PDS5A: variants seen among roughly 807,000 people sequenced by gnomAD.
The protein encoded by PDS5A is PDS5 cohesin associated factor A, also known as sister chromatid cohesion protein PDS5 homolog A.
PDS5A carries 42 observed loss-of-function variants against 167.1 expected under a neutral mutation model. The ratio of observed to expected loss-of-function variants is 0.25; its 90% CI spans 0.20 to 0.33. The LOEUF is 0.33. PDS5A is among the 10% of genes least tolerant of loss of function. The pLI, the probability that PDS5A is intolerant of heterozygous loss-of-function variation, is 1.00. For synonymous variants in PDS5A, 553 were observed against 554.6 expected (o/e 1.00, Z 0.04); for missense variants, 1,033 against 1,605.9 (o/e 0.64, Z 6.10).
intron 18 of PDS5A, among the ~76,000 whole-genome samples, chr4:39,877,790 A>G (rs1406737654): frequency 6.6e-6 from 1 of 151,908 alleles, no homozygotes; most frequent in Non-Finnish European, 1.5e-5. Context: ...TTTTTTTTGT[A>G]GAGATGAGGT....
At chr4:39,895,884 ATT>A (rs565936850) in intron 16 of PDS5A, among the ~76,000 whole-genome samples, 3 of 143,712 alleles carry the variant, frequency 2.1e-5, no homozygotes. Flanking sequence ...TGCTCAGCTA[ATT>A]TTTTTTTTTT....
chr4:39,934,980 A>C (rs754368193), intron 2 of PDS5A, among the ~76,000 whole-genome samples: 1 of 152,068 alleles, frequency 6.6e-6, no homozygotes, highest in Non-Finnish European at 1.5e-5. Context: ...GCTTGTCTTT[A>C]ACAGCATAGA....
In PDS5A at chr4:39,976,152, C is replaced by G. The variant is rs375051721; in HGVS notation, c.138+288G>C. The G allele has an allele frequency of 2.8e-5, 6 of 215,528 alleles. No individual in the cohort carries two copies. The East Asian group carries it at 5.8e-4, about 21-fold the overall frequency. The allele number at this position is 215,528 out of a possible 1,614,324, so 13.4% of individuals were successfully genotyped here. On this transcript the variant is annotated intron_variant, in intron 2 of 32. Transcript: ENST00000303538. ...CCTACACCTAAGTTTGCAAGCCACT[C>G]TGAACAGTATTCTCATTAAATACCT...
At chr4:39,937,250 G>A (rs1361940097) in intron 2 of PDS5A, among the ~76,000 whole-genome samples, 1 of 152,128 alleles carries the variant, frequency 6.6e-6, no homozygotes, top group African/African-American at 2.4e-5. Context: ...TGCCTCATTA[G>A]CGTAACAAAG....
chr4:39,857,863 T>G (rs928496465), intron 26 of PDS5A, among the ~76,000 whole-genome samples: 1 of 151,756 alleles, frequency 6.6e-6, no homozygotes, highest in Non-Finnish European at 1.5e-5. Flanking sequence ...AGAGACAGAG[T>G]CTCACTATGC....
Position 39,977,083 on chromosome 4 carries a change from T to C in PDS5A, c.-41+374A>G, listed in dbSNP as rs987126019. 2.7e-4 allele frequency among the ~76,000 whole-genome samples: 41 copies of C among 151,898 alleles called. No homozygotes were observed. Among genetic ancestry groups the C allele is most frequent in the African/African-American group, 9.9e-4 (41 of 41,360 alleles). ...CAGCGGACCCACGCGCAGCGGCGGC[T>C]GCCGGGAACAAAACGCCCTTGCCCA... On this transcript the variant is annotated intron_variant, in intron 1 of 32. Transcript: ENST00000303538. The surrounding 1 kb of genome is among the most constrained non-coding windows in gnomAD (Gnocchi z 4.2).
At chr4:39,862,176 C>T (rs1578625349) in intron 26 of PDS5A, 43 bp downstream of exon 26, 5 of 754,316 alleles carry the variant, frequency 6.6e-6, no homozygotes, top group African/African-American at 5.4e-5. Flanking sequence ...TTTTTGAAAA[C>T]TAAACATAAT....
intron 2 of PDS5A, among the ~76,000 whole-genome samples, chr4:39,957,693 G>A (rs1729068291): frequency 1.3e-5 from 2 of 150,460 alleles, no homozygotes; most frequent in Admixed American, 1.3e-4. Context: ...GGCTGAGGCA[G>A]GAGAATGGCA....
intron 2 of PDS5A, among the ~76,000 whole-genome samples, chr4:39,975,295 A>G (rs1730984511): frequency 6.6e-6 from 1 of 152,132 alleles, no homozygotes; most frequent in Non-Finnish European, 1.5e-5. Flanking sequence ...CAAAAAGGCA[A>G]CAAATTGCAG....
intron 31 of PDS5A, among the ~76,000 whole-genome samples, chr4:39,839,130 T>C (rs952528341): frequency 1.3e-5 from 2 of 152,214 alleles, no homozygotes; most frequent in Non-Finnish European, 2.9e-5. Flanking sequence ...TGCTTAATTT[T>C]ACACAAGGAT....
intron 23 of PDS5A, among the ~76,000 whole-genome samples, chr4:39,866,435 A>C (rs1719460610): frequency 6.6e-6 from 1 of 152,112 alleles, no homozygotes; most frequent in African/African-American, 2.4e-5. Flanking sequence ...AATTTTTATT[A>C]CTTTCATGGG....
intron 2 of PDS5A, among the ~76,000 whole-genome samples, chr4:39,942,319 A>G (rs1727298176): frequency 6.6e-6 from 1 of 152,204 alleles, no homozygotes; most frequent in Admixed American, 6.5e-5. Context: ...CAGAAAAAAG[A>G]AAGCTCACAG....
Position 39,879,766 on chromosome 4 carries a change from G to A in PDS5A, c.1954C>T (p.Pro652Ser). ...TADDEEEGVS[P>S]DTAIRSGLEL... ...AGTCCTGAACGGATAGCTGTATCTG[G>A]ACTTACACCCTCCTCTTCATCATCT... The change falls in exon 18 of 33, where the codon CCA becomes TCA. Residue 652 changes from proline to serine, a missense_variant. Physicochemically the swap from Pro to Ser is moderately conservative, Grantham distance 74. Coordinates refer to ENST00000303538, the MANE Select transcript of PDS5A (RefSeq NM_001100399.2). 1 of 1,611,500 alleles carries A rather than the reference G, an allele frequency of 6.2e-7. No homozygotes were observed. The highest frequency in any genetic ancestry group is 2.2e-5 in the East Asian group (1 of 44,788).
In PDS5A at chr4:39,843,847, G is replaced by GA. The variant is rs200332732; in HGVS notation, c.3548+808dup. Among the ~76,000 whole-genome samples, 645 of 151,598 alleles carry GA rather than the reference G, an allele frequency of 4.3e-3. 4 individuals carry two copies. The highest frequency in any genetic ancestry group is 0.015 in the African/African-American group (624 of 41,340). ...GCAGTACATTCTTGATTTCCTCATT[G>GA]AAAATACTAAAATGTGCCCAGGTGC... On this transcript the variant is annotated intron_variant, in intron 30 of 32. Coordinates refer to ENST00000303538, the MANE Select transcript of PDS5A (RefSeq NM_001100399.2).
intron 32 of PDS5A, among the ~76,000 whole-genome samples, chr4:39,834,200 AG>A (rs1279296033): frequency 6.6e-6 from 1 of 150,384 alleles, no homozygotes; most frequent in Non-Finnish European, 1.5e-5. Context: ...AAAAAAAAAA[AG>A]GGTACTAAGA....
intron 26 of PDS5A, among the ~76,000 whole-genome samples, chr4:39,854,166 C>A (rs569123122): frequency 6.6e-6 from 1 of 151,994 alleles, no homozygotes; most frequent in East Asian, 1.9e-4. Flanking sequence ...AGCTGGGCAT[C>A]GTGGTGCATG....
chr4:39,965,222 C>A (rs1211801166), intron 2 of PDS5A, among the ~76,000 whole-genome samples: 1 of 152,178 alleles, frequency 6.6e-6, no homozygotes, highest in Admixed American at 6.6e-5. Context: ...CTTAGCCCAA[C>A]TACTCTGCTA....
At position 39,877,088 on chromosome 4, in the gene PDS5A, G is replaced by A; in HGVS notation, c.2058C>T (p.Cys686=). Residue 686 remains cysteine, a synonymous_variant, in exon 19 of 33, where the codon TGC becomes TGT. Transcript: ENST00000303538. ...CTACCTTGTCATCCTCCATTCTTAG[G>A]CACTGTAACAAGGACTCATATGTCT... ...SAETYESLLQ[C]LRMEDDKVAE... is the part of the protein sequence containing the mutation. The A allele has an allele frequency of 1.2e-6, 2 of 1,607,150 alleles. No individual in the cohort carries two copies. Among genetic ancestry groups the A allele is most frequent in the Non-Finnish European group, 1.7e-6 (2 of 1,174,098 alleles).
chr4:39,882,934 A>C (rs1721085444), intron 17 of PDS5A, among the ~76,000 whole-genome samples: 1 of 152,160 alleles, frequency 6.6e-6, no homozygotes, highest in Non-Finnish European at 1.5e-5. Context: ...TTCTAAACGA[A>C]GTCTAAATAC....
Sources: gnomAD v4.1 joint callset for allele counts (sites outside exome capture counted in the v4.1 genomes callset) on GRCh38, gnomAD v4.1.1 for gene constraint, Gnocchi (gnomAD v3.1) non-coding constraint, MANE v1.5 for transcripts, NCBI Gene and HGNC (gene_info 2026-07-23, HGNC 2026-07-21) for gene names.